NR6A1: variants seen among roughly 807,000 people sequenced by gnomAD.
NR6A1 encodes retinoic acid receptor-related testis-associated receptor.
NR6A1 carries 7 observed loss-of-function variants against 59.1 expected under a neutral mutation model. That is an observed-to-expected ratio of 0.12 (90% CI 0.07 to 0.22). NR6A1 has a LOEUF of 0.22. Among genes scored for constraint, NR6A1 ranks in the 10% least tolerant of loss-of-function variants. NR6A1 has a pLI of 1.00. For synonymous variants in NR6A1, 243 were observed against 236.1 expected (o/e 1.03, Z -0.27); for missense variants, 468 against 611.6 (o/e 0.77, Z 2.48).
intron 3 of NR6A1, among the ~76,000 whole-genome samples, chr9:124,545,578 G>A (rs1833572812): frequency 6.6e-6 from 1 of 152,018 alleles, no homozygotes; most frequent in Non-Finnish European, 1.5e-5. Context: ...GCTGTTCCAT[G>A]GTCAATGACA....
chr9:124,707,277 C>G (rs1839161536), intron 2 of NR6A1, among the ~76,000 whole-genome samples: 2 of 152,120 alleles, frequency 1.3e-5, no homozygotes, highest in African/African-American at 4.8e-5. Context: ...AAACCGGCTG[C>G]TGAGTCCCTA....
chr9:124,592,788 G>A (rs1835165940), intron 2 of NR6A1, among the ~76,000 whole-genome samples: 1 of 152,168 alleles, frequency 6.6e-6, no homozygotes. Context: ...ATTTAAGGCT[G>A]TTTAGGATTC....
Position 124,538,111 on chromosome 9 carries a change from G to C in NR6A1, c.805C>G (p.Pro269Ala). 1 of 1,611,250 alleles carries C rather than the reference G, an allele frequency of 6.2e-7. No homozygotes were observed. Among genetic ancestry groups the C allele is most frequent in the Non-Finnish European group, 8.5e-7 (1 of 1,178,378 alleles). Residue 269 changes from proline to alanine, a missense_variant, in exon 6 of 10, where the codon CCC (proline) becomes GCC (alanine). Around this residue, in one of 4 missense-constraint regions of NR6A1, gnomAD observed 176 missense variants for 264.0 expected, o/e 0.67. Coordinates refer to ENST00000487099, the MANE Select transcript of NR6A1 (RefSeq NM_033334.4). ...ACTCACCCATCTTCAATCAACATGG[G>C]CGTGCCCAATGGTTCCAGGTCCTCG... ...SAEDLEPLGT[P>A]MLIEDGYAVT... is the part of the protein sequence containing the mutation.
chr9:124,584,389 C>G (rs1834861365), intron 2 of NR6A1, among the ~76,000 whole-genome samples: 1 of 152,072 alleles, frequency 6.6e-6, no homozygotes, highest in East Asian at 1.9e-4. Context: ...ACAGTGTGAG[C>G]CACCGCGCCC....
chr9:124,612,508 G>A (rs1356686651), intron 2 of NR6A1, among the ~76,000 whole-genome samples: 1 of 152,150 alleles, frequency 6.6e-6, no homozygotes, highest in Non-Finnish European at 1.5e-5. Flanking sequence ...ACTTAAAATA[G>A]CACTGCACCT....
intron 2 of NR6A1, among the ~76,000 whole-genome samples, chr9:124,687,389 T>A (rs1838371509): frequency 6.6e-6 from 1 of 151,898 alleles, no homozygotes; most frequent in South Asian, 2.1e-4. Flanking sequence ...GATACCCCTA[T>A]CTCAGCTCCC....
At chr9:124,586,566 C>G (rs1564190865) in intron 2 of NR6A1, among the ~76,000 whole-genome samples, 1 of 152,098 alleles carries the variant, frequency 6.6e-6, no homozygotes, top group Non-Finnish European at 1.5e-5. Context: ...CTGCCTCAGT[C>G]TGCCAAGTAG....
intron 2 of NR6A1, 126 bp downstream of exon 2, chr9:124,733,182 A>G (rs978922549): frequency 1.4e-6 from 1 of 725,356 alleles, no homozygotes; most frequent in Non-Finnish European, 2.4e-6. Context: ...ATTACAAATT[A>G]AAGTGAAATA....
At chr9:124,691,469 A>C (rs1382628626) in intron 2 of NR6A1, among the ~76,000 whole-genome samples, 3 of 152,208 alleles carry the variant, frequency 2.0e-5, no homozygotes, top group Non-Finnish European at 4.4e-5. Flanking sequence ...TTTCCTATTA[A>C]GTATTCCTAG....
At chr9:124,655,259 C>T (rs979668509) in intron 2 of NR6A1, among the ~76,000 whole-genome samples, 7 of 152,172 alleles carry the variant, frequency 4.6e-5, no homozygotes, top group African/African-American at 1.7e-4. Context: ...CTGCCTCTAA[C>T]ATAATGGCTC....
At chr9:124,543,424 T>C (rs180763800) in intron 4 of NR6A1, among the ~76,000 whole-genome samples, 14 of 152,296 alleles carry the variant, frequency 9.2e-5, no homozygotes, top group Non-Finnish European at 1.5e-4. Context: ...AATAAGACAA[T>C]AATATTCTGC....
intron 2 of NR6A1, among the ~76,000 whole-genome samples, chr9:124,699,669 G>C (rs139376691): frequency 1.3e-5 from 2 of 152,156 alleles, no homozygotes; most frequent in Admixed American, 1.3e-4. Context: ...TTCGCCTGTT[G>C]TAAGTGTATA....
chr9:124,579,561 A>C (rs1378723637), intron 2 of NR6A1, among the ~76,000 whole-genome samples: 1 of 152,194 alleles, frequency 6.6e-6, no homozygotes, highest in East Asian at 1.9e-4. Flanking sequence ...AAAATAAAAA[A>C]TAATAAAACT....
chr9:124,750,063 AT>A (rs778564827), intron 1 of NR6A1, among the ~76,000 whole-genome samples: 17 of 152,212 alleles, frequency 1.1e-4, no homozygotes, highest in Non-Finnish European at 2.1e-4. Context: ...AGAAGAACGT[AT>A]TTGTAAGGTC....
intron 2 of NR6A1, among the ~76,000 whole-genome samples, chr9:124,600,952 A>T (rs79136590): frequency 1.5e-5 from 2 of 134,982 alleles, no homozygotes; most frequent in Admixed American, 7.3e-5. Context: ...GCTGTGGGGG[A>T]AAAAAAAAAA....
intron 2 of NR6A1, among the ~76,000 whole-genome samples, chr9:124,707,494 C>T (rs1432235970): frequency 6.6e-6 from 1 of 151,462 alleles, no homozygotes; most frequent in Non-Finnish European, 1.5e-5. Flanking sequence ...CATTTAGGAT[C>T]ACTCAGAGAC....
intron 3 of NR6A1, among the ~76,000 whole-genome samples, chr9:124,552,588 A>G (rs192641070): frequency 6.6e-6 from 1 of 152,350 alleles, no homozygotes; most frequent in East Asian, 1.9e-4. Flanking sequence ...GTCCGTATTA[A>G]GCAGGTACAA....
chr9:124,617,509 T>C (rs747046021), intron 2 of NR6A1, among the ~76,000 whole-genome samples: 2 of 152,214 alleles, frequency 1.3e-5, no homozygotes, highest in Non-Finnish European at 2.9e-5. Context: ...ACTTGTATCT[T>C]TTCTAGTGTC....
intron 2 of NR6A1, among the ~76,000 whole-genome samples, chr9:124,590,954 A>G (rs1350343630): frequency 6.6e-6 from 1 of 152,220 alleles, no homozygotes; most frequent in East Asian, 1.9e-4. Flanking sequence ...GACTTTCTGT[A>G]GAGAAAAGGC....
Sources: allele counts gnomAD v4.1 joint callset (sites outside exome capture counted in the v4.1 genomes callset), GRCh38; gene constraint gnomAD v4.1.1; regional missense constraint gnomAD v4.1.1; transcripts MANE v1.5; gene names NCBI Gene and HGNC (gene_info 2026-07-23, HGNC 2026-07-21).